The following VPS13A variants were observed in gnomAD, a reference collection of about 807,000 sequenced individuals.
VPS13A encodes the protein vacuolar protein sorting 13 homolog A, also known as intermembrane lipid transfer protein VPS13A.
Under a neutral mutation model 390.9 loss-of-function variants are expected in VPS13A, and 264 were observed. That is an observed-to-expected ratio of 0.68 (90% CI 0.61 to 0.75). The LOEUF (loss-of-function observed/expected upper bound fraction) is 0.75. Ranked by LOEUF, VPS13A falls within the 30% of genes least tolerant of loss-of-function variation. The probability of loss-of-function intolerance (pLI) is 0.00; values close to 1 mark genes in which losing one functional copy is unlikely to be tolerated. For synonymous variants in VPS13A, 1,231 were observed against 1,227.1 expected, an observed-to-expected ratio of 1.00 and a Z score of -0.07; for missense variants, 3,409 against 3,733.9, an observed-to-expected ratio of 0.91 and a Z score of 2.27.
At chr9:77,222,307 T>C (rs1218786495) in intron 13 of VPS13A, among the ~76,000 whole-genome samples, 1 of 152,130 alleles carries the variant, frequency 6.6e-6, no homozygotes, top group African/African-American at 2.4e-5. Context: ...GAATAAGTTA[T>C]TCTGAAATAA....
intron 26 of VPS13A, among the ~76,000 whole-genome samples, chr9:77,277,486 T>C (rs1826751505): frequency 6.6e-6 from 1 of 152,184 alleles, no homozygotes; most frequent in South Asian, 2.1e-4. Context: ...CTGTTATACC[T>C]TCTGTTTGGA....
In VPS13A at chr9:77,276,732, C is replaced by T. The variant is rs542788668; in HGVS notation, c.2824+511C>T. Among the ~76,000 whole-genome samples, 50 of 152,300 alleles carry T rather than the reference C, an allele frequency of 3.3e-4. No individual in the cohort carries two copies. The South Asian group carries it at 3.3e-3, about 10-fold the overall frequency. Reference sequence around the variant, plus strand: ...TCTATGTTTCCTTGTTGCCTGTTAGCGGATGGCTGCCCTTAGGCCTCAGTT... The same window carrying T: ...TCTATGTTTCCTTGTTGCCTGTTAGTGGATGGCTGCCCTTAGGCCTCAGTT... On this transcript the variant is annotated intron_variant, in intron 26 of 71. Coordinates refer to ENST00000360280, the MANE Select transcript of VPS13A (RefSeq NM_033305.3).
At chr9:77,283,220 GC>G in intron 29 of VPS13A, 134 bp from the exon 30 acceptor site, 1 of 608,912 alleles carries the variant, frequency 1.6e-6, no homozygotes, top group Non-Finnish European at 2.9e-6. Context: ...ATCATACCTT[GC>G]TTTCAACTGA....
intron 34 of VPS13A, among the ~76,000 whole-genome samples, chr9:77,306,450 A>G (rs1587542611): frequency 2.6e-5 from 2 of 77,162 alleles, no homozygotes; most frequent in African/African-American, 9.3e-5. Context: ...GTGTGTGTGT[A>G]AAGAGAGGGA....
intron 71 of VPS13A, among the ~76,000 whole-genome samples, chr9:77,409,174 C>T (rs1395651664): frequency 2.6e-5 from 4 of 152,202 alleles, no homozygotes; most frequent in Non-Finnish European, 4.4e-5. Context: ...CTGCTGATAC[C>T]CACGCAAACA....
intron 22 of VPS13A, among the ~76,000 whole-genome samples, chr9:77,256,568 G>T (rs371152456): frequency 6.6e-6 from 1 of 152,050 alleles, no homozygotes; most frequent in African/African-American, 2.4e-5. Flanking sequence ...TTTCTATTCA[G>T]TATTGACAGT....
At chr9:77,230,947 C>T (rs1823796700) in intron 17 of VPS13A, among the ~76,000 whole-genome samples, 2 of 152,090 alleles carry the variant, frequency 1.3e-5, no homozygotes, top group South Asian at 2.1e-4. Context: ...TTTTCAGATA[C>T]AGTACACCTC....
chr9:77,213,175 ATAGTG>A (rs1385427801), intron 8 of VPS13A, 54 bp from the exon 9 acceptor site: 1 of 1,565,928 alleles, frequency 6.4e-7, no homozygotes, highest in Non-Finnish European at 8.8e-7. Flanking sequence ...ACTTCTGAAA[ATAGTG>A]TATGATAAAA....
intron 15 of VPS13A, 116 bp downstream of exon 15, chr9:77,226,714 A>G (rs1370583352): frequency 3.5e-6 from 3 of 859,064 alleles, no homozygotes; most frequent in South Asian, 3.0e-5. Context: ...AATTATATAT[A>G]AAGTTATTAC....
At chr9:77,237,434 G>A (rs982947131) in intron 17 of VPS13A, among the ~76,000 whole-genome samples, 2 of 151,420 alleles carry the variant, frequency 1.3e-5, no homozygotes, top group Non-Finnish European at 2.9e-5. Flanking sequence ...GCATGATCTC[G>A]GCTCACTGCA....
rs759877962 is a variant in VPS13A, at chr9:77,318,458, A to G, written c.5180A>G (p.Asp1727Gly). The G allele has an allele frequency of 6.2e-7, 1 of 1,613,824 alleles. No individual in the cohort carries two copies. Among genetic ancestry groups the G allele is most frequent in the Admixed American group, 1.7e-5 (1 of 59,992 alleles). Residue 1727 changes from aspartate (D) to glycine (G), a missense_variant, in exon 41 of 72, where the codon GAT becomes GGT. By Grantham distance (94) the Asp-to-Gly change is moderately conservative. This residue lies in a region of VPS13A where 2,717 missense variants were observed against 2,917.4 expected (regional missense o/e 0.93). Transcript: ENST00000360280. ...GGCGAGATGATAAAAATGAACATTGATTCTATTTTTATAGTTCTTGAGGCT... is the reference window on the plus strand; with the variant it reads ...GGCGAGATGATAAAAATGAACATTGGTTCTATTTTTATAGTTCTTGAGGCT... ...PKGEMIKMNIDSIFIVLEAGI... is the reference protein window; with the variant it reads ...PKGEMIKMNIGSIFIVLEAGI...
intron 34 of VPS13A, among the ~76,000 whole-genome samples, chr9:77,306,230 T>G (rs948760517): frequency 1.3e-5 from 2 of 152,188 alleles, no homozygotes; most frequent in Non-Finnish European, 2.9e-5. Context: ...CAAAGAAAGC[T>G]TGGTTACAAG....
intron 35 of VPS13A, among the ~76,000 whole-genome samples, chr9:77,308,326 C>T (rs927138243): frequency 2.0e-5 from 3 of 151,872 alleles, no homozygotes; most frequent in Non-Finnish European, 2.9e-5. Context: ...TGTTATTAGT[C>T]GTTGTGTTGA....
rs149386581 is a variant in VPS13A at position 77,257,637 on chromosome 9, A to C, written c.2289-2449A>C. Among the ~76,000 whole-genome samples the C allele has an allele frequency of 4.3e-3, 653 of 152,288 alleles. 4 individuals are homozygous for C. Among genetic ancestry groups the C allele is most frequent in the South Asian group, 0.01 (50 of 4,832 alleles). The stretch of plus-strand genomic sequence containing the variant: ...TAAAATTAGCTGGGCATAATGGTGC[A>C]TGCCTATAGTCCTAGCTACTTGGGA... On this transcript the variant is annotated intron_variant, in intron 22 of 71. Coordinates refer to ENST00000360280, the MANE Select transcript of VPS13A (RefSeq NM_033305.3).
At chr9:77,388,827 T>G (rs1234724363) in intron 68 of VPS13A, among the ~76,000 whole-genome samples, 1 of 152,214 alleles carries the variant, frequency 6.6e-6, no homozygotes, top group Non-Finnish European at 1.5e-5. Flanking sequence ...GTTAACTACA[T>G]TATGTCTACA....
chr9:77,181,706 A>G (rs1042999858), intron 1 of VPS13A, among the ~76,000 whole-genome samples: 2 of 152,214 alleles, frequency 1.3e-5, no homozygotes, highest in Non-Finnish European at 1.5e-5. Flanking sequence ...GTCATTGCTA[A>G]TAATGGATGG....
At chr9:77,399,183 AAAAAAAAAAAAAAAAAAAAAAAC>A (rs1445442750) in intron 68 of VPS13A, among the ~76,000 whole-genome samples, 50 of 128,460 alleles carry the variant, frequency 3.9e-4, no homozygotes, top group African/African-American at 4.0e-4. Flanking sequence ...AAAAAAAATA[AAAAAAAAAAAAAAAAAAAAAAAC>A]AAAGGATACG....
intron 5 of VPS13A, among the ~76,000 whole-genome samples, chr9:77,207,214 TA>T (rs1298282688): frequency 0.031 from 252 of 8,034 alleles, 5 homozygotes; most frequent in African/African-American, 0.098. Flanking sequence ...ATTTAGATAT[TA>T]TATATATATA....
chr9:77,403,328 TG>T lies in VPS13A; in HGVS notation c.9275+8del. 1 of 1,607,584 alleles carries T rather than the reference TG, an allele frequency of 6.2e-7. No individual in the cohort carries two copies. The highest frequency in any genetic ancestry group is 2.2e-5 in the East Asian group (1 of 44,792). ...TGCTAATGATAACCAGACGGTAACT[TG>T]CTTTCTTTCTCTTACGTAATTTTAT... On this transcript the variant is annotated splice_region_variant and intron_variant, in intron 69 of 71. Coordinates refer to ENST00000360280, the MANE Select transcript of VPS13A (RefSeq NM_033305.3).
Sources: allele counts gnomAD v4.1 joint callset (sites outside exome capture counted in the v4.1 genomes callset), GRCh38; gene constraint gnomAD v4.1.1; regional missense constraint gnomAD v4.1.1; transcripts MANE v1.5; gene names NCBI Gene and HGNC (gene_info 2026-07-23, HGNC 2026-07-21).